The following HS3ST5 variants were observed in gnomAD, a reference collection of about 807,000 sequenced individuals.
HS3ST5 encodes the protein heparan sulfate glucosamine 3-O-sulfotransferase 5.
In HS3ST5, 10 loss-of-function variants were observed where a neutral mutation model predicts 25.4. The observed-to-expected ratio is 0.39, with a 90% CI of 0.24 to 0.67. The LOEUF is 0.67. Ranked by LOEUF, HS3ST5 falls within the 30% of genes least tolerant of loss-of-function variation. HS3ST5 has a pLI of 0.44. For missense variants in HS3ST5, 324 were observed against 420.7 expected, an observed-to-expected ratio of 0.77 and a Z score of 2.01; for synonymous variants, 170 against 162.4, an observed-to-expected ratio of 1.05 and a Z score of -0.36.
At chr6:114,102,472 A>T (rs540323407) in intron 3 of HS3ST5, among the ~76,000 whole-genome samples, 12 of 152,310 alleles carry the variant, frequency 7.9e-5, no homozygotes, top group African/African-American at 2.6e-4. Flanking sequence ...GAACATTACC[A>T]TGATGGGTCC....
At chr6:114,058,370 A>G (rs1250795321) in intron 4 of HS3ST5, among the ~76,000 whole-genome samples, 180 bp from the exon 5 acceptor site, 4 of 152,226 alleles carry the variant, frequency 2.6e-5, no homozygotes, top group African/African-American at 9.6e-5. Flanking sequence ...TAAATGGAGC[A>G]CACATAATTG....
intron 3 of HS3ST5, among the ~76,000 whole-genome samples, chr6:114,088,668 A>G (rs1037286151): frequency 2.0e-5 from 3 of 152,342 alleles, no homozygotes; most frequent in African/African-American, 7.2e-5. Context: ...AAAAATGTGC[A>G]ATACATAAAT....
intron 1 of HS3ST5, among the ~76,000 whole-genome samples, chr6:114,331,144 T>C (rs1776377598): frequency 6.6e-6 from 1 of 152,194 alleles, no homozygotes; most frequent in Non-Finnish European, 1.5e-5. Flanking sequence ...TAGAATTAAG[T>C]CACAGTAAAC....
chr6:114,228,111 T>G (rs1405009731), intron 2 of HS3ST5, among the ~76,000 whole-genome samples: 2 of 152,160 alleles, frequency 1.3e-5, no homozygotes, highest in African/African-American at 2.4e-5. Flanking sequence ...AATGTCACTT[T>G]CAGTGTTTCT....
intron 1 of HS3ST5, among the ~76,000 whole-genome samples, chr6:114,317,475 A>G (rs1188764727): frequency 6.6e-6 from 1 of 152,194 alleles, no homozygotes. Context: ...TAAAATCACA[A>G]TAAGGAAAAT....
At position 114,327,571 on chromosome 6, in the gene HS3ST5, A is replaced by T. The variant is rs553950506; in HGVS notation, c.-339+14624T>A. Among the ~76,000 whole-genome samples, 72 of 152,358 alleles carry T rather than the reference A, an allele frequency of 4.7e-4. 2 individuals are homozygous for T. The highest frequency in any genetic ancestry group is 3.4e-3 in the Middle Eastern group (1 of 294). Reference sequence around the variant, plus strand: ...AGAGTCTATTTTTACACCTTGAAAAATAAATGCCAACATCCAGATAACTTA... The same window carrying T: ...AGAGTCTATTTTTACACCTTGAAAATTAAATGCCAACATCCAGATAACTTA... On this transcript the variant is annotated intron_variant, in intron 1 of 4. Transcript: ENST00000312719.
At chr6:114,311,755 C>G (rs959174748) in intron 1 of HS3ST5, among the ~76,000 whole-genome samples, 1 of 151,916 alleles carries the variant, frequency 6.6e-6, no homozygotes. Flanking sequence ...GTTGGCTAAG[C>G]GGTTCTTGAA....
At chr6:114,213,763 T>G (rs1002164193) in intron 2 of HS3ST5, among the ~76,000 whole-genome samples, 1 of 152,138 alleles carries the variant, frequency 6.6e-6, no homozygotes, top group Non-Finnish European at 1.5e-5. Context: ...ACTCCTAACT[T>G]GGTATTCAAA....
At chr6:114,275,701 G>C (rs1391207951) in intron 1 of HS3ST5, among the ~76,000 whole-genome samples, 2 of 152,016 alleles carry the variant, frequency 1.3e-5, no homozygotes, top group African/African-American at 4.8e-5. Context: ...CACAGCACAT[G>C]AATAGGTATG....
intron 3 of HS3ST5, among the ~76,000 whole-genome samples, chr6:114,115,653 A>G (rs760345355): frequency 3.9e-5 from 6 of 152,124 alleles, no homozygotes; most frequent in Non-Finnish European, 8.8e-5. Flanking sequence ...CATTATTTCA[A>G]ATGTCCAGAA....
chr6:114,240,371 T>C (rs1041000252), intron 1 of HS3ST5, among the ~76,000 whole-genome samples: 1 of 152,130 alleles, frequency 6.6e-6, no homozygotes, highest in Admixed American at 6.5e-5. Context: ...TTGTTTTTAA[T>C]CCCATCTAAA....
At chr6:114,151,407 T>C (rs1778445649) in intron 3 of HS3ST5, among the ~76,000 whole-genome samples, 1 of 152,224 alleles carries the variant, frequency 6.6e-6, no homozygotes, top group African/African-American at 2.4e-5. Flanking sequence ...AGCTTTGTTT[T>C]AGGCCCGCTG....
At chr6:114,306,159 A>AG (rs1775278596) in intron 1 of HS3ST5, among the ~76,000 whole-genome samples, 1 of 150,888 alleles carries the variant, frequency 6.6e-6, no homozygotes, top group Admixed American at 6.6e-5. Flanking sequence ...TATTCTCATA[A>AG]GGGTCCAAAT....
chr6:114,332,453 C>A (rs1016820728), intron 1 of HS3ST5, among the ~76,000 whole-genome samples: 1 of 152,066 alleles, frequency 6.6e-6, no homozygotes, highest in African/African-American at 2.4e-5. Context: ...CAGCACACTG[C>A]CTGACACACA....
At chr6:114,268,196 T>C (rs1535569) in intron 1 of HS3ST5, among the ~76,000 whole-genome samples, 24,679 of 152,130 alleles carry the variant, frequency 0.16, 2,107 homozygotes, top group Middle Eastern at 0.21. Context: ...CCACCATTTG[T>C]GCAGTTTCCA....
At chr6:114,194,100 T>C (rs1780629220) in intron 2 of HS3ST5, among the ~76,000 whole-genome samples, 1 of 151,958 alleles carries the variant, frequency 6.6e-6, no homozygotes, top group African/African-American at 2.4e-5. Context: ...AAGAGAATCA[T>C]ATTGAAAGAA....
At chr6:114,181,252 G>A (rs751549293) in intron 2 of HS3ST5, among the ~76,000 whole-genome samples, 8 of 152,138 alleles carry the variant, frequency 5.3e-5, no homozygotes, top group South Asian at 2.1e-4. Flanking sequence ...TGTGTGACCC[G>A]GGGAACATTG....
chr6:114,065,230 C>T (rs1042445580), intron 3 of HS3ST5, among the ~76,000 whole-genome samples: 5 of 152,186 alleles, frequency 3.3e-5, no homozygotes, highest in African/African-American at 1.2e-4. Context: ...ACAATTTTCT[C>T]CAACTTGCCT....
At chr6:114,337,480 A>G (rs979044413) in intron 1 of HS3ST5, among the ~76,000 whole-genome samples, 3 of 152,238 alleles carry the variant, frequency 2.0e-5, no homozygotes, top group African/African-American at 7.2e-5. Context: ...TAAAACATTC[A>G]GTATCAGATT....
Sources: gnomAD v4.1 joint callset for allele counts (sites outside exome capture counted in the v4.1 genomes callset) on GRCh38, gnomAD v4.1.1 for gene constraint, MANE v1.5 for transcripts, NCBI Gene and HGNC (gene_info 2026-07-23, HGNC 2026-07-21) for gene names.